CNTN2: variants seen among roughly 807,000 people sequenced by gnomAD.
CNTN2 encodes contactin 2.
Under a neutral mutation model 117.5 loss-of-function variants are expected in CNTN2, and 53 were observed. That is an observed-to-expected ratio of 0.45 (90% CI 0.36 to 0.57). CNTN2 has a LOEUF of 0.57. Among genes scored for constraint, CNTN2 ranks in the 20% least tolerant of loss-of-function variants. CNTN2 has a pLI of 0.00. For missense variants in CNTN2, 1,106 were observed against 1,404.3 expected, an observed-to-expected ratio of 0.79 and a Z score of 3.39; for synonymous variants, 530 against 561.7, an observed-to-expected ratio of 0.94 and a Z score of 0.80.
At position 205,058,315 on chromosome 1, in the gene CNTN2, TG is replaced by T; in HGVS notation, c.353del (p.Gly118AlafsTer26). 1 of 1,525,590 alleles carries T rather than the reference TG, an allele frequency of 6.6e-7. No homozygotes were observed. The highest frequency in any genetic ancestry group is 8.8e-7 in the Non-Finnish European group (1 of 1,135,270). The allele number at this position is 1,525,590 out of a possible 1,614,324, so 94.5% of individuals were successfully genotyped here. ...TACCAGTGCCTGGCCTCCAACCCAG[TG>T]GGCACCGTTGTCAGCAGGGAGGCCA... ...GVYQCLASNP[V>X]GTVVSREAIL... is the part of the protein sequence containing the mutation. On this transcript the variant is annotated frameshift_variant, in exon 4 of 23. Transcript: ENST00000331830. LOFTEE classifies it high-confidence loss of function. The surrounding 1 kb of genome is among the most constrained non-coding windows in gnomAD (Gnocchi z 4.3).
In CNTN2 at chr1:205,074,407, C is replaced by T. The variant is rs1654758809; in HGVS notation, c.*642C>T. On this transcript the variant is annotated 3_prime_UTR_variant, in exon 23 of 23. Coordinates refer to ENST00000331830, the MANE Select transcript of CNTN2 (RefSeq NM_005076.5). ...CTTCAGCTTTGAGGGGGGTGATACT[C>T]CAGGCTGTTTGGGGTGGGAGCCAAA... is the stretch of plus-strand genomic sequence containing the variant. 5.0e-6 allele frequency: 2 copies of T among 399,522 alleles called. No individual in the cohort carries two copies. Among genetic ancestry groups the T allele is most frequent in the Non-Finnish European group, 8.8e-6 (2 of 226,610 alleles). The allele number at this position is 399,522 out of a possible 1,614,324, so 24.7% of individuals were successfully genotyped here.
intron 1 of CNTN2, among the ~76,000 whole-genome samples, chr1:205,049,666 C>A (rs1274659150): frequency 6.6e-6 from 1 of 152,186 alleles, no homozygotes; most frequent in Non-Finnish European, 1.5e-5. Context: ...CAGCACCCTG[C>A]CCCCAGTGAG....
At chr1:205,057,648 G>T in intron 2 of CNTN2, 1 of 322,962 alleles carries the variant, frequency 3.1e-6, no homozygotes, top group Non-Finnish European at 5.7e-6. Flanking sequence ...GTGATTGATT[G>T]AACTAGTATG....
chr1:205,066,704 C>T lies in CNTN2; in HGVS notation c.1975+105C>T, dbSNP rs952632983. The T allele has an allele frequency of 1.8e-4, 239 of 1,331,624 alleles. 4 individuals carry two copies. The South Asian group carries it at 3.3e-3, about 18-fold the overall frequency. The allele number at this position is 1,331,624 out of a possible 1,614,324, so 82.5% of individuals were successfully genotyped here. On this transcript the variant is annotated intron_variant, in intron 15 of 22. Transcript: ENST00000331830. ...TCGGGGTCTGAGGGCCAGGGCTGAG[C>T]CTGGAGCTTCAAAGAGGGACAAGAT...
chr1:205,069,324 G>A (rs1215400393), intron 16 of CNTN2, 167 bp from the exon 17 acceptor site: 1 of 569,348 alleles, frequency 1.8e-6, no homozygotes, highest in Non-Finnish European at 3.1e-6. Flanking sequence ...TTTGATTTCA[G>A]GACTGCCTGA....
intron 10 of CNTN2, chr1:205,062,998 C>T (rs1230753301): frequency 6.5e-6 from 1 of 152,870 alleles, no homozygotes; most frequent in African/African-American, 2.4e-5. Context: ...AGAGGTACAG[C>T]ATAAAGGGCC....
Position 205,058,340 on chromosome 1 carries a change from C to A in CNTN2, c.375C>A (p.Ala125=). The change falls in exon 4 of 23, where the codon GCC becomes GCA. Residue 125 remains alanine (A), a synonymous_variant. Transcript: ENST00000331830. The surrounding 1 kb of genome is among the most constrained non-coding windows in gnomAD (Gnocchi z 4.3). ...NPVGTVVSRE[A]ILRFGFLQEF... ...TGGGCACCGTTGTCAGCAGGGAGGC[C>A]ATCCTCCGCTTCGGCTGTGAGACCC... 7.2e-6 allele frequency: 11 copies of A among 1,526,448 alleles called. No homozygotes were observed. The highest frequency in any genetic ancestry group is 9.7e-6 in the Non-Finnish European group (11 of 1,135,774). The allele number at this position is 1,526,448 out of a possible 1,614,324, so 94.6% of individuals were successfully genotyped here.
chr1:205,046,093 G>A (rs1448364517), intron 1 of CNTN2, among the ~76,000 whole-genome samples: 1 of 152,112 alleles, frequency 6.6e-6, no homozygotes, highest in Non-Finnish European at 1.5e-5. Context: ...TGCTAACCTG[G>A]AACATTTATG....
rs751678099 is a variant in CNTN2, at chr1:205,064,581, A to ATCTGCCTTGT, written c.1392-42_1392-41insTCTGCCTTGT. On this transcript the variant is annotated intron_variant, in intron 11 of 22. Coordinates refer to ENST00000331830, the MANE Select transcript of CNTN2 (RefSeq NM_005076.5). ...CAGGAGTTGGCCAGCCCCAGGGACA[A>ATCTGCCTTGT]CCATGCCTGAGTTGGCCACATCTGC... 5.0e-6 allele frequency: 8 copies of ATCTGCCTTGT among 1,607,668 alleles called. No individual in the cohort carries two copies. The Admixed American group carries it at 1.3e-4, about 27-fold the overall frequency.
chr1:205,058,876 T>C lies in CNTN2; in HGVS notation c.488-208T>C, dbSNP rs1354835522. Reference sequence around the variant, plus strand: ...TTCCGCCTTCAAACTGGGTGGCCCCTGAGGGCTGCGATCCCTGGCAGACTT... The same window carrying C: ...TTCCGCCTTCAAACTGGGTGGCCCCCGAGGGCTGCGATCCCTGGCAGACTT... On this transcript the variant is annotated intron_variant, in intron 5 of 22. Coordinates refer to ENST00000331830, the MANE Select transcript of CNTN2 (RefSeq NM_005076.5). This position sits in a 1 kb window ranked among gnomAD's most constrained non-coding sequence, Gnocchi z 4.3. 4.5e-6 allele frequency: 3 copies of C among 670,562 alleles called. No homozygotes were observed. The highest frequency in any genetic ancestry group is 5.4e-5 in the East Asian group (2 of 36,758). The allele number at this position is 670,562 out of a possible 1,614,324, so 41.5% of individuals were successfully genotyped here.
At position 205,059,605 on chromosome 1, in the gene CNTN2, C is replaced by T; in HGVS notation, c.720C>T (p.Ser240=). ...CAGATACCCGGCTCTTTGCACCCAG[C>T]ATCAAGGCCCGGTTCCCAGCAGAGA... ...AAEDTRLFAP[S]IKARFPAETY... The change falls in exon 7 of 23, where the codon AGC becomes AGT. Residue 240 remains serine (S), a synonymous_variant. Transcript: ENST00000331830. The surrounding 1 kb of genome is among the most constrained non-coding windows in gnomAD (Gnocchi z 5.6). 6.2e-7 allele frequency: 1 copy of T among 1,614,200 alleles called. No homozygotes were observed. The highest frequency in any genetic ancestry group is 8.5e-7 in the Non-Finnish European group (1 of 1,180,040).
rs768130620 is a variant in CNTN2, at chr1:205,064,480, C to G, written c.1391+8C>G. 1.9e-6 allele frequency: 3 copies of G among 1,602,606 alleles called. No homozygotes were observed. The East Asian group carries it at 6.7e-5, about 36-fold the overall frequency. On this transcript the variant is annotated splice_region_variant and intron_variant, in intron 11 of 22. Transcript: ENST00000331830. ...TTTGGTCAACAGCAGCAGGTACCAC[C>G]CACACCCCACCCTGCACAGTTCCTG...
rs4017875 is a variant in CNTN2 at position 205,048,910 on chromosome 1, CGTGTGTGTGTGTGTGTGTGTGTGTGT to C, written c.-86-4165_-86-4140del. On this transcript the variant is annotated intron_variant, in intron 1 of 22. Coordinates refer to ENST00000331830, the MANE Select transcript of CNTN2 (RefSeq NM_005076.5). This position sits in a 1 kb window ranked among gnomAD's most constrained non-coding sequence, Gnocchi z 4.1. ...GCTCCAGCCTTTAGCCCAGACTCTG[CGTGTGTGTGTGTGTGTGTGTGTGTGT>C]GTGTGTGTGTGTGTGTGTGTGTGTT... 2.3e-5 allele frequency among the ~76,000 whole-genome samples: 3 copies of C among 127,776 alleles called. No individual in the cohort carries two copies. The highest frequency in any genetic ancestry group is 2.8e-4 in the South Asian group (1 of 3,578). 83.8% of individuals were successfully genotyped at this position (127,776 alleles called of 152,430 possible).
chr1:205,071,932 C>T lies in CNTN2; in HGVS notation c.2545-15C>T. The T allele has an allele frequency of 2.5e-6, 4 of 1,602,340 alleles. No individual in the cohort carries two copies. In the South Asian group the frequency reaches 4.5e-5, roughly 18 times the overall value. On this transcript the variant is annotated splice_polypyrimidine_tract_variant and intron_variant, in intron 19 of 22. Coordinates refer to ENST00000331830, the MANE Select transcript of CNTN2 (RefSeq NM_005076.5). The stretch of plus-strand genomic sequence containing the variant: ...GGCTTGACTACTACCCCTTGGGTAC[C>T]CCCGCCTCCTTCAGATCCGCTACTG...
At chr1:205,066,178 C>T (rs940859907) in intron 14 of CNTN2, 10 of 609,264 alleles carry the variant, frequency 1.6e-5, no homozygotes, top group Admixed American at 3.1e-5. Context: ...TTTTCAAAGC[C>T]TAGTGCTGGG....
In CNTN2 at chr1:205,065,989, C is replaced by A; in HGVS notation, c.1816+80C>A. On this transcript the variant is annotated intron_variant, in intron 14 of 22. Coordinates refer to ENST00000331830, the MANE Select transcript of CNTN2 (RefSeq NM_005076.5). This position sits in a 1 kb window ranked among gnomAD's most constrained non-coding sequence, Gnocchi z 4.1. ...CTGTTCTGACCTGCTCGCCTCATCT[C>A]CCCTCCCTTCCCTCAAAGCTGCGGG... is the stretch of plus-strand genomic sequence containing the variant. The A allele has an allele frequency of 6.7e-7, 1 of 1,487,814 alleles. No individual in the cohort carries two copies. The highest frequency in any genetic ancestry group is 9.0e-7 in the Non-Finnish European group (1 of 1,109,272). 92.2% of individuals were successfully genotyped at this position (1,487,814 alleles called of 1,614,324 possible).
Position 205,058,967 on chromosome 1 carries a change from G to C in CNTN2, c.488-117G>C. 1 of 907,930 alleles carries C rather than the reference G, an allele frequency of 1.1e-6. No individual in the cohort carries two copies. The highest frequency in any genetic ancestry group is 1.7e-6 in the Non-Finnish European group (1 of 575,934). 56.2% of individuals were successfully genotyped at this position (907,930 alleles called of 1,614,324 possible). ...TAGGTCTCCCCTTAGCCCCAGTTCA[G>C]AGCATGGTGGCTGTCAGGACAGGGC... On this transcript the variant is annotated intron_variant, in intron 5 of 22. Transcript: ENST00000331830. This position sits in a 1 kb window ranked among gnomAD's most constrained non-coding sequence, Gnocchi z 4.3.
In CNTN2 at chr1:205,056,784, C is replaced by T. The variant is rs534585930; in HGVS notation, c.71-1137C>T. On this transcript the variant is annotated intron_variant, in intron 2 of 22. Transcript: ENST00000331830. ...AGCCCACCCCAGCCCTGTCGAAGGGCAGGTGTGATGTCCGGCCAATCTGTG... is the reference window on the plus strand; with the variant it reads ...AGCCCACCCCAGCCCTGTCGAAGGGTAGGTGTGATGTCCGGCCAATCTGTG... Among the ~76,000 whole-genome samples the T allele has an allele frequency of 7.6e-4, 115 of 152,252 alleles. 2 individuals are homozygous for T. Among genetic ancestry groups the T allele is most frequent in the Non-Finnish European group, 1.1e-3 (74 of 68,012 alleles).
At chr1:205,072,940 G>C in intron 21 of CNTN2, 128 bp from the exon 22 acceptor site, 1 of 939,608 alleles carries the variant, frequency 1.1e-6, no homozygotes, top group South Asian at 1.7e-5. Flanking sequence ...CAATGGGGAG[G>C]AGGGGTGAGG....
Sources: gnomAD v4.1 joint callset for allele counts (sites outside exome capture counted in the v4.1 genomes callset) on GRCh38, gnomAD v4.1.1 for gene constraint, Gnocchi (gnomAD v3.1) non-coding constraint, MANE v1.5 for transcripts, NCBI Gene and HGNC (gene_info 2026-07-23, HGNC 2026-07-21) for gene names.